Variants in EPB41 observed in about 807,000 individuals in gnomAD.
The protein encoded by EPB41 is erythrocyte membrane protein band 4.1.
Under a neutral mutation model 108.0 loss-of-function variants are expected in EPB41, and 65 were observed. The observed-to-expected ratio is 0.60, with a 90% CI of 0.49 to 0.74. The LOEUF (loss-of-function observed/expected upper bound fraction) is 0.74, where lower values mean the gene tolerates loss of function less well. EPB41 is among the 30% of genes least tolerant of loss of function. EPB41 has a pLI of 0.00. For synonymous variants in EPB41, 336 were observed against 358.9 expected, an observed-to-expected ratio of 0.94 and a Z score of 0.72; for missense variants, 875 against 1,037.0, an observed-to-expected ratio of 0.84 and a Z score of 2.15.
chr1:28,906,776 T>C (rs2091861388), intron 1 of EPB41, among the ~76,000 whole-genome samples: 1 of 144,726 alleles, frequency 6.9e-6, no homozygotes, highest in Non-Finnish European at 1.5e-5. Context: ...TTTTCTTTTT[T>C]TTTCTTTTTT....
intron 16 of EPB41, among the ~76,000 whole-genome samples, chr1:29,080,821 A>G: frequency 6.6e-6 from 1 of 152,268 alleles, no homozygotes; most frequent in East Asian, 1.9e-4. Context: ...TTTAAGCCTA[A>G]GAAATCTTTA....
intron 14 of EPB41, among the ~76,000 whole-genome samples, 198 bp from the exon 15 acceptor site, chr1:29,060,224 A>G (rs182505114): frequency 2.6e-5 from 4 of 152,188 alleles, no homozygotes; most frequent in African/African-American, 9.6e-5. Context: ...TTCATCATTC[A>G]TGAAAAAGGT....
At chr1:28,891,616 G>A (rs1430782109) in intron 1 of EPB41, among the ~76,000 whole-genome samples, 3 of 152,176 alleles carry the variant, frequency 2.0e-5, no homozygotes. Context: ...CACTTCCTGG[G>A]TTGTTGTGAA....
chr1:29,017,976 ATTT>A (rs930889414), intron 6 of EPB41, among the ~76,000 whole-genome samples: 12 of 151,962 alleles, frequency 7.9e-5, no homozygotes, highest in Non-Finnish European at 1.8e-4. Context: ...TAGTTACAGT[ATTT>A]TTTTTAAGTT....
rs187689557 is a variant in EPB41, at chr1:29,086,074, G to A, written c.2185-11733G>A. On this transcript the variant is annotated intron_variant, in intron 16 of 20. Coordinates refer to ENST00000343067, the MANE Select transcript of EPB41 (RefSeq NM_001376013.1). ...CACTTTCTGCATAAATTGTTTACTA[G>A]ACTCTTCAGGTTTTAAAGATCATTT... 2.0e-3 allele frequency among the ~76,000 whole-genome samples: 311 copies of A among 152,136 alleles called. 5 individuals are homozygous for A. Among genetic ancestry groups the A allele is most frequent in the Non-Finnish European group, 9.9e-4 (67 of 67,990 alleles).
intron 1 of EPB41, among the ~76,000 whole-genome samples, chr1:28,941,818 C>G (rs157202): frequency 0.13 from 18,465 of 146,092 alleles, 1,549 homozygotes; most frequent in African/African-American, 0.25. Flanking sequence ...CGCTTGAACA[C>G]AGGAGGCGGA....
At chr1:28,914,317 G>A (rs1053522516), upstream of EPB41, among the ~76,000 whole-genome samples, 7 of 152,194 alleles carry the variant, frequency 4.6e-5, no homozygotes, top group Admixed American at 3.9e-4. Context: ...TTGCGCGTGC[G>A]CACACGCGGC....
At chr1:29,099,995 A>G (rs1443975012) in intron 17 of EPB41, among the ~76,000 whole-genome samples, 1 of 152,214 alleles carries the variant, frequency 6.6e-6, no homozygotes, top group Non-Finnish European at 1.5e-5. Flanking sequence ...GACTAGGATA[A>G]TCAGGGAATT....
rs1278510586 is a variant in EPB41, at chr1:28,887,578, C to A, written c.-8+368C>A. 1 of 985,142 alleles carries A rather than the reference C, an allele frequency of 1.0e-6. No individual in the cohort carries two copies. The highest frequency in any genetic ancestry group is 1.2e-6 in the Non-Finnish European group (1 of 829,856). The allele number at this position is 985,142 out of a possible 1,614,324, so 61.0% of individuals were successfully genotyped here. ...GGCGCAGCCCCCGGCCGCCCCCTAG[C>A]CCCGCCTTGCCCGGCCCCGCATGCT... On this transcript the variant is annotated intron_variant, in intron 1 of 16. Transcript: ENST00000347529. This position sits in a 1 kb window ranked among gnomAD's most constrained non-coding sequence, Gnocchi z 4.9.
chr1:28,980,462 C>A (rs12025508), intron 1 of EPB41, among the ~76,000 whole-genome samples: 16,362 of 152,044 alleles, frequency 0.11, 1,179 homozygotes, highest in East Asian at 0.37. Flanking sequence ...GTAATCCCAG[C>A]ACTTTGGGAG....
chr1:28,889,897 G>A (rs1299904061), intron 1 of EPB41: 3 of 935,596 alleles, frequency 3.2e-6, no homozygotes, highest in Middle Eastern at 5.3e-4. Flanking sequence ...TCACCACAGA[G>A]TTATGGTGTC....
chr1:28,923,106 CTTTTCTTTTTT>C lies in EPB41; in HGVS notation c.-8+8343_-8+8353del, dbSNP rs1484110805. On this transcript the variant is annotated intron_variant, in intron 1 of 20. Coordinates refer to ENST00000343067, the MANE Select transcript of EPB41 (RefSeq NM_001376013.1). Reference sequence around the variant, plus strand: ...TTTTCTTCCTTCTTTCCTTTCTTTTCTTTTCTTTTTTTTTTTTTTTTTTTGAGATGGAGTCT... The same window carrying C: ...TTTTCTTCCTTCTTTCCTTTCTTTTCTTTTTTTTTTTTTGAGATGGAGTCT... Among the ~76,000 whole-genome samples, 118 of 114,728 alleles carry C rather than the reference CTTTTCTTTTTT, an allele frequency of 1.0e-3. 1 individual carries two copies. The highest frequency in any genetic ancestry group is 4.3e-3 in the African/African-American group (114 of 26,544). 75.3% of individuals were successfully genotyped at this position (114,728 alleles called of 152,430 possible).
intron 7 of EPB41, among the ~76,000 whole-genome samples, chr1:29,022,587 G>C (rs2096660779): frequency 6.6e-6 from 1 of 151,954 alleles, no homozygotes; most frequent in Admixed American, 6.6e-5. Flanking sequence ...CAGGCATGGT[G>C]GTGGGCACCT....
chr1:29,075,351 A>C (rs1048961000), intron 16 of EPB41, among the ~76,000 whole-genome samples: 1 of 151,690 alleles, frequency 6.6e-6, no homozygotes. Context: ...GGTATCAGGC[A>C]TCTGTAATCC....
At chr1:29,013,755 C>T (rs989160233) in intron 5 of EPB41, among the ~76,000 whole-genome samples, 12 of 151,478 alleles carry the variant, frequency 7.9e-5, no homozygotes, top group Non-Finnish European at 1.5e-4. Flanking sequence ...TTTGGAACCC[C>T]TGACCTCGGG....
chr1:28,928,612 A>G (rs1241288079), intron 1 of EPB41, among the ~76,000 whole-genome samples: 1 of 152,242 alleles, frequency 6.6e-6, no homozygotes, highest in Non-Finnish European at 1.5e-5. Flanking sequence ...TTTAAGCTTA[A>G]TGCCATTTGA....
At chr1:28,957,021 A>G (rs566638188) in intron 1 of EPB41, among the ~76,000 whole-genome samples, 1 of 152,378 alleles carries the variant, frequency 6.6e-6, no homozygotes, top group South Asian at 2.1e-4. Context: ...AAACATTAAA[A>G]AAGACTAGAT....
At chr1:28,890,087 G>T (rs1029539613) in intron 1 of EPB41, among the ~76,000 whole-genome samples, 2 of 151,800 alleles carry the variant, frequency 1.3e-5, no homozygotes, top group Non-Finnish European at 2.9e-5. Context: ...GCCCAGGCTG[G>T]AGTGCAGTGG....
intron 1 of EPB41, among the ~76,000 whole-genome samples, chr1:28,935,234 C>G (rs1160109980): frequency 6.6e-6 from 1 of 151,644 alleles, no homozygotes; most frequent in African/African-American, 2.4e-5. Flanking sequence ...AATTCGAGAC[C>G]AGCATGACCA....
Sources: allele counts gnomAD v4.1 joint callset (sites outside exome capture counted in the v4.1 genomes callset), GRCh38; gene constraint gnomAD v4.1.1; non-coding constraint Gnocchi (gnomAD v3.1); transcripts MANE v1.5; gene names NCBI Gene and HGNC (gene_info 2026-07-23, HGNC 2026-07-21).